Variants in CAMK4 observed in about 807,000 individuals in gnomAD.
CAMK4 encodes calcium/calmodulin dependent protein kinase IV.
In CAMK4, 22 loss-of-function variants were observed where a neutral mutation model predicts 44.9. The ratio of observed to expected loss-of-function variants is 0.49; its 90% CI spans 0.35 to 0.70. CAMK4 has a LOEUF of 0.70. Ranked by LOEUF, CAMK4 falls within the 30% of genes least tolerant of loss-of-function variation. The pLI, the probability that CAMK4 is intolerant of heterozygous loss-of-function variation, is 0.01. For synonymous variants in CAMK4, 218 were observed against 215.4 expected (o/e 1.01, Z -0.11); for missense variants, 498 against 586.8 (o/e 0.85, Z 1.56).
upstream of CAMK4, chr5:111,224,248 T>C (rs2112479281): frequency 2.5e-6 from 1 of 404,662 alleles, no homozygotes; most frequent in South Asian, 5.0e-5. The surrounding 1 kb of genome is among the most constrained non-coding windows in gnomAD (Gnocchi z 5.7). Context: ...GCGGTGCAGC[T>C]AGTCTCCCTC....
intron 1 of CAMK4, among the ~76,000 whole-genome samples, chr5:111,228,906 T>C (rs911006536): frequency 2.6e-5 from 4 of 152,236 alleles, no homozygotes; most frequent in African/African-American, 7.2e-5. Flanking sequence ...GGAAAAACTC[T>C]GGTGTCTCCC....
intron 2 of CAMK4, among the ~76,000 whole-genome samples, chr5:111,347,607 A>G (rs1187364316): frequency 1.3e-5 from 2 of 151,908 alleles, no homozygotes; most frequent in Non-Finnish European, 2.9e-5. Flanking sequence ...CCCTCTCACA[A>G]TGTCACATGG....
chr5:111,436,298 A>G (rs1019172610), intron 5 of CAMK4, among the ~76,000 whole-genome samples: 28 of 152,190 alleles, frequency 1.8e-4, no homozygotes, highest in African/African-American at 6.5e-4. Flanking sequence ...TAAATTTCTA[A>G]TCCAATGAAA....
At position 111,224,881 on chromosome 5, in the gene CAMK4, C is replaced by A. The variant is rs929480483; in HGVS notation, c.161+237C>A. Among the ~76,000 whole-genome samples, 11 of 152,102 alleles carry A rather than the reference C, an allele frequency of 7.2e-5. No individual in the cohort carries two copies. The highest frequency in any genetic ancestry group is 1.3e-4 in the Non-Finnish European group (9 of 68,002). On this transcript the variant is annotated intron_variant, in intron 1 of 10. Coordinates refer to ENST00000282356, the MANE Select transcript of CAMK4 (RefSeq NM_001744.6). This position sits in a 1 kb window ranked among gnomAD's most constrained non-coding sequence, Gnocchi z 5.7. ...TCAGCCCGACTCCCTCCCACCTTCC[C>A]TCCTTCTCGCAGGCTGCCACTTCCC...
intron 5 of CAMK4, among the ~76,000 whole-genome samples, chr5:111,423,991 A>G (rs985882705): frequency 6.6e-6 from 1 of 152,222 alleles, no homozygotes; most frequent in Non-Finnish European, 1.5e-5. Flanking sequence ...AACTTTTCCA[A>G]GATCACACAG....
intron 1 of CAMK4, among the ~76,000 whole-genome samples, chr5:111,307,205 C>T (rs1184852709): frequency 1.3e-4 from 4 of 31,864 alleles, no homozygotes; most frequent in South Asian, 2.1e-3. Flanking sequence ...ACTTCATGTC[C>T]GAAACACCAA....
chr5:111,456,273 G>A (rs1193875149), intron 7 of CAMK4, among the ~76,000 whole-genome samples: 1 of 151,896 alleles, frequency 6.6e-6, no homozygotes, highest in African/African-American at 2.4e-5. Flanking sequence ...AGGCCGAGGC[G>A]GGTGGATCAT....
intron 5 of CAMK4, among the ~76,000 whole-genome samples, chr5:111,439,290 G>A (rs190377592): frequency 1.3e-5 from 2 of 152,132 alleles, no homozygotes; most frequent in African/African-American, 4.8e-5. Context: ...GGAGGTTAAT[G>A]CTGGAAATTG....
intron 2 of CAMK4, among the ~76,000 whole-genome samples, chr5:111,369,872 T>A (rs982423195): frequency 6.6e-6 from 1 of 152,170 alleles, no homozygotes; most frequent in African/African-American, 2.4e-5. Context: ...TATGAATATT[T>A]TAATTGTTGT....
At chr5:111,355,726 C>T (rs1488022657) in intron 2 of CAMK4, among the ~76,000 whole-genome samples, 4 of 149,244 alleles carry the variant, frequency 2.7e-5, no homozygotes, top group African/African-American at 7.4e-5. Context: ...TTGTTCAATT[C>T]CCATCTATGA....
At chr5:111,355,514 T>TTTATTTATTTA (rs1561434917) in intron 2 of CAMK4, among the ~76,000 whole-genome samples, 3 of 42,420 alleles carry the variant, frequency 7.1e-5, no homozygotes, top group African/African-American at 2.0e-4. Context: ...TTATTTATTT[T>TTTATTTATTTA]ATTATACTTT....
intron 5 of CAMK4, among the ~76,000 whole-genome samples, chr5:111,403,064 T>G (rs1223879682): frequency 6.6e-6 from 1 of 152,232 alleles, no homozygotes; most frequent in Non-Finnish European, 1.5e-5. Context: ...TGTATAATTT[T>G]CCATCCATTT....
At chr5:111,277,882 CTG>C (rs1750843586) in intron 1 of CAMK4, among the ~76,000 whole-genome samples, 1 of 152,054 alleles carries the variant, frequency 6.6e-6, no homozygotes, top group Non-Finnish European at 1.5e-5. Flanking sequence ...AATATAAAAA[CTG>C]TGATCCTGGA....
chr5:111,430,078 A>G (rs1203282961), intron 5 of CAMK4, among the ~76,000 whole-genome samples: 3 of 152,314 alleles, frequency 2.0e-5, no homozygotes, highest in South Asian at 2.1e-4. Context: ...ACAAAATATT[A>G]GCAAGCCAAT....
At chr5:111,368,850 G>A (rs1018430436) in intron 2 of CAMK4, among the ~76,000 whole-genome samples, 2 of 151,750 alleles carry the variant, frequency 1.3e-5, no homozygotes, top group African/African-American at 4.8e-5. Context: ...ACTATGCCCT[G>A]CACATTATTT....
chr5:111,478,759 A>G (rs527253192), intron 9 of CAMK4, among the ~76,000 whole-genome samples: 1 of 152,356 alleles, frequency 6.6e-6, no homozygotes, highest in African/African-American at 2.4e-5. Flanking sequence ...TTACTACCTT[A>G]TAAGTATAAA....
intron 2 of CAMK4, among the ~76,000 whole-genome samples, chr5:111,366,480 A>G (rs1296337663): frequency 3.3e-5 from 5 of 152,126 alleles, no homozygotes; most frequent in Admixed American, 2.6e-4. Context: ...TGTCCTCTCT[A>G]TTCTCCAGTT....
At chr5:111,365,713 CA>C (rs1237954322) in intron 2 of CAMK4, among the ~76,000 whole-genome samples, 1 of 151,896 alleles carries the variant, frequency 6.6e-6, no homozygotes, top group Non-Finnish European at 1.5e-5. Flanking sequence ...CTTCATGGAC[CA>C]AAAACAAGTC....
Position 111,486,081 on chromosome 5 carries a change from T to C in CAMK4, c.*1615T>C, listed in dbSNP as rs1385092348. The stretch of plus-strand genomic sequence containing the variant: ...TGGCTCTCCCTCAAAACTATTAAAT[T>C]AGAAAACGAAACTAAAGCTCCAGTT... On this transcript the variant is annotated 3_prime_UTR_variant, in exon 11 of 11. Transcript: ENST00000282356. 1 of 152,158 alleles carries C rather than the reference T, an allele frequency of 6.6e-6. No homozygotes were observed. The highest frequency in any genetic ancestry group is 2.4e-5 in the African/African-American group (1 of 41,458). The allele number at this position is 152,158 out of a possible 1,614,324, so 9.4% of individuals were successfully genotyped here.
Sources: gnomAD v4.1 joint callset for allele counts (sites outside exome capture counted in the v4.1 genomes callset) on GRCh38, gnomAD v4.1.1 for gene constraint, Gnocchi (gnomAD v3.1) non-coding constraint, MANE v1.5 for transcripts, NCBI Gene and HGNC (gene_info 2026-07-23, HGNC 2026-07-21) for gene names.